Variants in VSIG1 observed in about 807,000 individuals in gnomAD.
VSIG1 encodes V-set and immunoglobulin domain-containing protein 1.
A neutral mutation model predicts 20.1 loss-of-function variants in VSIG1; 11 were observed. The ratio of observed to expected loss-of-function variants is 0.55; its 90% CI spans 0.34 to 0.91. VSIG1 has a LOEUF of 0.91. Ranked by LOEUF, VSIG1 falls within the 40% of genes least tolerant of loss-of-function variation. The probability of loss-of-function intolerance (pLI) is 0.02; values close to 1 mark genes in which losing one functional copy is unlikely to be tolerated. For synonymous variants in VSIG1, 126 were observed against 116.7 expected, an observed-to-expected ratio of 1.08 and a Z score of -0.52; for missense variants, 283 against 298.8, an observed-to-expected ratio of 0.95 and a Z score of 0.39.
intron 1 of VSIG1, among the ~76,000 whole-genome samples, chrX:108,048,337 A>C (rs1208344987): frequency 9.0e-6 from 1 of 111,555 alleles, no homozygotes; most frequent in Non-Finnish European, 1.9e-5. Flanking sequence ...AAGTGTGTAC[A>C]TCTTGGATTA....
chrX:108,028,324 T>A, the VSIG1 span, among the ~76,000 whole-genome samples: 2 of 111,802 alleles, frequency 1.8e-5, no homozygotes, highest in Non-Finnish European at 3.8e-5. Flanking sequence ...TACAAATTTA[T>A]CCTTTTATAC....
At chrX:108,035,942 T>C in the VSIG1 span, among the ~76,000 whole-genome samples, 1 of 106,347 alleles carries the variant, frequency 9.4e-6, no homozygotes, top group African/African-American at 3.5e-5. Flanking sequence ...GGCAAGTCAC[T>C]TACCTCTCTG....
intron 2 of VSIG1, among the ~76,000 whole-genome samples, chrX:108,060,901 A>T (rs1294244748): frequency 8.9e-6 from 1 of 112,033 alleles, no homozygotes; most frequent in African/African-American, 3.2e-5. Context: ...TGTTCCCTCC[A>T]TACCCCTGGT....
At chrX:108,071,350 A>C (rs1321957231) in intron 3 of VSIG1, among the ~76,000 whole-genome samples, 3 of 111,827 alleles carry the variant, frequency 2.7e-5, no homozygotes, top group Non-Finnish European at 5.6e-5. Flanking sequence ...TATAAGGTGT[A>C]TAAGATAGAT....
chrX:108,065,083 C>T lies in VSIG1; in HGVS notation c.214-1853C>T, dbSNP rs145443632. ...GAAAACACGTTGATGTTAGAAAAAACGGGAGAGAAACAAATAGTTTTCTCT... is the reference window on the plus strand; with the variant it reads ...GAAAACACGTTGATGTTAGAAAAAATGGGAGAGAAACAAATAGTTTTCTCT... On this transcript the variant is annotated intron_variant, in intron 2 of 6. Transcript: ENST00000217957. Among the ~76,000 whole-genome samples, 529 of 111,866 alleles carry T rather than the reference C, an allele frequency of 4.7e-3. 2 individuals are homozygous for T. The highest frequency in any genetic ancestry group is 0.017 in the African/African-American group (512 of 30,820).
chrX:108,039,546 ATCTGAGCAAAGGTGAGACATGG>A, the VSIG1 span, among the ~76,000 whole-genome samples: 5 of 111,772 alleles, frequency 4.5e-5, no homozygotes, highest in Admixed American at 2.9e-4. Flanking sequence ...CGAGTGGAGA[ATCTGAGCAAAGGTGAGACATGG>A]TCTGACTTAC....
chrX:108,029,927 G>GGA, the VSIG1 span, among the ~76,000 whole-genome samples: 1 of 111,537 alleles, frequency 9.0e-6, no homozygotes, highest in Non-Finnish European at 1.9e-5. Context: ...GGAGGTCTTT[G>GGA]GAGAGAGAGA....
At chrX:108,044,231 T>C (rs1275050940), upstream of VSIG1, among the ~76,000 whole-genome samples, 3 of 111,336 alleles carry the variant, frequency 2.7e-5, no homozygotes, top group Admixed American at 1.9e-4. Flanking sequence ...CCAGAGAAAG[T>C]CCTTAGGTTT....
At chrX:108,027,268 C>T in the VSIG1 span, among the ~76,000 whole-genome samples, 1 of 111,695 alleles carries the variant, frequency 9.0e-6, no homozygotes, top group African/African-American at 3.3e-5. Context: ...GTGGAAACAA[C>T]CCAATTGTCC....
At chrX:108,053,641 C>T (rs927237633) in intron 1 of VSIG1, among the ~76,000 whole-genome samples, 1 of 111,502 alleles carries the variant, frequency 9.0e-6, no homozygotes, top group Non-Finnish European at 1.9e-5. Context: ...TCAATAATTA[C>T]ATTAAATAAT....
the VSIG1 span, among the ~76,000 whole-genome samples, chrX:108,024,378 C>T: frequency 1.8e-5 from 2 of 109,810 alleles, no homozygotes; most frequent in Non-Finnish European, 3.8e-5. Context: ...TTTTACTGTT[C>T]TTTTAAAAAA....
At chrX:108,019,763 G>A in the VSIG1 span, among the ~76,000 whole-genome samples, 1 of 110,963 alleles carries the variant, frequency 9.0e-6, no homozygotes, top group African/African-American at 3.3e-5. Flanking sequence ...TTAGAACTTG[G>A]GGGTTTGTGG....
intron 1 of VSIG1, among the ~76,000 whole-genome samples, chrX:108,049,287 A>G (rs1187115341): frequency 8.9e-6 from 1 of 112,555 alleles, no homozygotes; most frequent in Non-Finnish European, 1.9e-5. Context: ...GAAATGTTTG[A>G]ATCAGATTTA....
chrX:108,054,861 A>C (rs2030861737), intron 1 of VSIG1, among the ~76,000 whole-genome samples: 1 of 109,070 alleles, frequency 9.2e-6, no homozygotes, highest in South Asian at 4.0e-4. Context: ...CATTGGAAAT[A>C]AAGGAAGGTC....
chrX:108,049,957 G>A (rs1339446980), intron 1 of VSIG1, among the ~76,000 whole-genome samples: 1 of 112,088 alleles, frequency 8.9e-6, no homozygotes, highest in African/African-American at 3.2e-5. Context: ...AAAGCATGGG[G>A]AGGAGAATAT....
intron 2 of VSIG1, among the ~76,000 whole-genome samples, chrX:108,059,860 A>G (rs1055523818): frequency 8.9e-6 from 1 of 112,249 alleles, no homozygotes; most frequent in African/African-American, 3.2e-5. Context: ...GACCTTGCCA[A>G]TGTATTTTGA....
intron 2 of VSIG1, among the ~76,000 whole-genome samples, chrX:108,066,531 T>A (rs2031129627): frequency 9.1e-6 from 1 of 110,061 alleles, no homozygotes; most frequent in African/African-American, 3.3e-5. Context: ...AAGAAGTTTA[T>A]AAAATGGTAA....
chrX:108,026,067 C>A, the VSIG1 span, among the ~76,000 whole-genome samples: 1 of 112,112 alleles, frequency 8.9e-6, no homozygotes, highest in East Asian at 2.8e-4. Flanking sequence ...ACAATGTTGT[C>A]TGAGAATAGT....
At chrX:108,064,632 C>A (rs979088421) in intron 2 of VSIG1, 1 of 448,523 alleles carries the variant, frequency 2.2e-6, no homozygotes, top group Non-Finnish European at 2.8e-6. Context: ...GGGCCTCAGG[C>A]GTGACTGATG....
Sources: allele counts gnomAD v4.1 joint callset (sites outside exome capture counted in the v4.1 genomes callset), GRCh38; gene constraint gnomAD v4.1.1; transcripts MANE v1.5; gene names NCBI Gene and HGNC (gene_info 2026-07-23, HGNC 2026-07-21).